PACSIN3: variants seen among roughly 807,000 people sequenced by gnomAD.
The protein encoded by PACSIN3 is protein kinase C and casein kinase substrate in neurons protein 3.
In PACSIN3, 34 loss-of-function variants were observed where a neutral mutation model predicts 56.1. The ratio of observed to expected loss-of-function variants is 0.61; its 90% CI spans 0.46 to 0.81. PACSIN3 has a LOEUF of 0.81. Among genes scored for constraint, PACSIN3 ranks in the 30% least tolerant of loss-of-function variants. The probability of loss-of-function intolerance (pLI) is 0.00; values close to 1 mark genes in which losing one functional copy is unlikely to be tolerated. For synonymous variants in PACSIN3, 218 were observed against 229.8 expected, an observed-to-expected ratio of 0.95 and a Z score of 0.46; for missense variants, 535 against 592.4, an observed-to-expected ratio of 0.90 and a Z score of 1.01.
In PACSIN3 at chr11:47,179,731, A is replaced by G. The variant is rs558209982; in HGVS notation, c.604-145T>C. 141 of 687,152 alleles carry G rather than the reference A, an allele frequency of 2.1e-4. No homozygotes were observed. The highest frequency in any genetic ancestry group is 4.1e-4 in the Middle Eastern group (1 of 2,460). 42.6% of individuals were successfully genotyped at this position (687,152 alleles called of 1,614,324 possible). A position where few individuals can be genotyped will look rare whatever the true frequency, so the allele number is the denominator to read the frequency against. On this transcript the variant is annotated intron_variant, in intron 6 of 10. Transcript: ENST00000298838. This position sits in a 1 kb window ranked among gnomAD's most constrained non-coding sequence, Gnocchi z 4.4. ...GTCCCAAGACCCAGCTCCTGCCCTCAAGGACCCCAGCAGCCTAACAAGGGA... is the reference window on the plus strand; with the variant it reads ...GTCCCAAGACCCAGCTCCTGCCCTCGAGGACCCCAGCAGCCTAACAAGGGA...
rs937600264 is a variant in PACSIN3 at position 47,178,582 on chromosome 11, G to A, written c.1038-95C>T. On this transcript the variant is annotated intron_variant, in intron 9 of 10. Transcript: ENST00000298838. The surrounding 1 kb of genome is among the most constrained non-coding windows in gnomAD (Gnocchi z 4.2). ...CAGGGCAAAGGCCTCCCTACCCCCA[G>A]AGGCACCTGGGAGAGTCAGGTGAGG... 95 of 1,484,004 alleles carry A rather than the reference G, an allele frequency of 6.4e-5. No homozygotes were observed. The highest frequency in any genetic ancestry group is 1.8e-4 in the Middle Eastern group (1 of 5,650). The allele number at this position is 1,484,004 out of a possible 1,614,324, so 91.9% of individuals were successfully genotyped here.
At position 47,182,782 on chromosome 11, in the gene PACSIN3, G is replaced by T; in HGVS notation, c.-37-18C>A. ...ATTTGGGGCTGTGGAGGGCAGAGGG[G>T]TAAGCAGGAAAGCTGGACATTATGT... On this transcript the variant is annotated intron_variant, in intron 2 of 10. Transcript: ENST00000298838. 6.4e-7 allele frequency: 1 copy of T among 1,553,508 alleles called. No homozygotes were observed. The highest frequency in any genetic ancestry group is 8.7e-7 in the Non-Finnish European group (1 of 1,145,276).
At position 47,179,776 on chromosome 11, in the gene PACSIN3, T is replaced by C. The variant is rs1223397436; in HGVS notation, c.604-190A>G. 2 of 596,038 alleles carry C rather than the reference T, an allele frequency of 3.4e-6. No individual in the cohort carries two copies. Among genetic ancestry groups the C allele is most frequent in the Non-Finnish European group, 5.9e-6 (2 of 338,070 alleles). 36.9% of individuals were successfully genotyped at this position (596,038 alleles called of 1,614,324 possible). A position where few individuals can be genotyped will look rare whatever the true frequency, so the allele number is the denominator to read the frequency against. On this transcript the variant is annotated intron_variant, in intron 6 of 10. Coordinates refer to ENST00000298838, the MANE Select transcript of PACSIN3 (RefSeq NM_016223.5). This position sits in a 1 kb window ranked among gnomAD's most constrained non-coding sequence, Gnocchi z 4.4. ...AAGGGAGGTGACATCAGGCACAGCA[T>C]ATAAAAGAGTCTGGTGAGGATTGAA...
rs1952984024 is a variant in PACSIN3, at chr11:47,179,986, G to A, written c.603+200C>T. Among the ~76,000 whole-genome samples the A allele has an allele frequency of 6.6e-6, 1 of 152,208 alleles. No individual in the cohort carries two copies. The highest frequency in any genetic ancestry group is 2.4e-5 in the African/African-American group (1 of 41,448). Reference sequence around the variant, plus strand: ...TCTCAACTGCTGAAGTCATCCCAGTGCCTGAAACTCCATTTCTTTCCCTAG... The same window carrying A: ...TCTCAACTGCTGAAGTCATCCCAGTACCTGAAACTCCATTTCTTTCCCTAG... On this transcript the variant is annotated intron_variant, in intron 6 of 10. Coordinates refer to ENST00000298838, the MANE Select transcript of PACSIN3 (RefSeq NM_016223.5). The surrounding 1 kb of genome is among the most constrained non-coding windows in gnomAD (Gnocchi z 4.4).
chr11:47,180,282 C>T lies in PACSIN3; in HGVS notation c.507G>A (p.Thr169=), dbSNP rs146130718. 8.5e-5 allele frequency: 136 copies of T among 1,603,310 alleles called. No individual in the cohort carries two copies. The African/African-American group carries it at 1.6e-3, about 18-fold the overall frequency. Residue 169 remains threonine, a synonymous_variant, in exon 6 of 11, where the codon ACG becomes ACA. Coordinates refer to ENST00000298838, the MANE Select transcript of PACSIN3 (RefSeq NM_016223.5). ...TGTCTGCCTTTGCGTGGCTCTCCCT[C>T]GTCTGGGCGGTCTTCTCATCCTTCC... The part of the protein sequence containing the change: ...AARKDEKTAQ[T]RESHAKADSA...
rs760575837 is a variant in PACSIN3, at chr11:47,180,147, C to A, written c.603+39G>T. ...AGCAAGATTCATTCAGGAAGCCGTGCCCTGGGCGGGGGCCAGGGCTGGGAC... is the reference window on the plus strand; with the variant it reads ...AGCAAGATTCATTCAGGAAGCCGTGACCTGGGCGGGGGCCAGGGCTGGGAC... On this transcript the variant is annotated intron_variant, in intron 6 of 10. Transcript: ENST00000298838. The A allele has an allele frequency of 2.5e-6, 4 of 1,580,232 alleles. No homozygotes were observed. The Admixed American group carries it at 5.0e-5, about 20-fold the overall frequency.
chr11:47,181,520 G>A (rs775262389), intron 4 of PACSIN3, among the ~76,000 whole-genome samples: 2 of 151,570 alleles, frequency 1.3e-5, no homozygotes, highest in Non-Finnish European at 2.9e-5. Context: ...GCCCAGGTGC[G>A]GTGGCTCATG....
rs139474386 is a variant in PACSIN3 at position 47,177,995 on chromosome 11, C to T, written c.1211G>A (p.Gly404Asp). The change falls in exon 11 of 11, where the codon GGC (glycine) becomes GAC (aspartate). Residue 404 changes from glycine (G) to aspartate (D), a missense_variant. Physicochemically the swap from Gly to Asp is moderately conservative, Grantham distance 94 (BLOSUM62 -1). Coordinates refer to ENST00000298838, the MANE Select transcript of PACSIN3 (RefSeq NM_016223.5). Reference sequence around the variant, plus strand: ...GCCAATGCGGCCACTCTGCAACTGGCCTTGGCACCAGCCCTGCTCGTCCTC... The same window carrying T: ...GCCAATGCGGCCACTCTGCAACTGGTCTTGGCACCAGCCCTGCTCGTCCTC... ...SEEDEQGWCQ[G>D]QLQSGRIGLY... 76 of 1,614,028 alleles carry T rather than the reference C, an allele frequency of 4.7e-5. No individual in the cohort carries two copies. Among genetic ancestry groups the T allele is most frequent in the Admixed American group, 2.5e-4 (15 of 60,010 alleles).
intron 1 of PACSIN3, among the ~76,000 whole-genome samples, chr11:47,183,916 G>A (rs1018000833): frequency 6.6e-6 from 1 of 152,106 alleles, no homozygotes; most frequent in Admixed American, 6.6e-5. Context: ...CAGCTACTTA[G>A]GAGGCTGAGG....
chr11:47,186,130 C>T lies in PACSIN3; in HGVS notation c.-104+219G>A, dbSNP rs1398667468. The stretch of plus-strand genomic sequence containing the variant: ...CCTCCAGCGCCGGCGCCGCCTCCCC[C>T]GGGCGGCCTGCGGAATTGCGAAGCC... On this transcript the variant is annotated intron_variant, in intron 1 of 10. Coordinates refer to ENST00000298838, the MANE Select transcript of PACSIN3 (RefSeq NM_016223.5). The surrounding 1 kb of genome is among the most constrained non-coding windows in gnomAD (Gnocchi z 4.5). 6.6e-6 allele frequency among the ~76,000 whole-genome samples: 1 copy of T among 152,024 alleles called. No individual in the cohort carries two copies. Among genetic ancestry groups the T allele is most frequent in the Admixed American group, 6.5e-5 (1 of 15,280 alleles).
chr11:47,186,328 C>G lies in PACSIN3; in HGVS notation c.-104+21G>C, dbSNP rs963634391. ...CCGCACCCGCCGCCGCCTACCCGCG[C>G]GTCCCCTCCAGGGCACTCACCGCGT... is the stretch of plus-strand genomic sequence containing the variant. On this transcript the variant is annotated intron_variant, in intron 1 of 10. Coordinates refer to ENST00000298838, the MANE Select transcript of PACSIN3 (RefSeq NM_016223.5). This position sits in a 1 kb window ranked among gnomAD's most constrained non-coding sequence, Gnocchi z 4.5. The G allele has an allele frequency of 2.6e-5, 4 of 152,000 alleles. No individual in the cohort carries two copies. The highest frequency in any genetic ancestry group is 5.9e-5 in the Non-Finnish European group (4 of 68,208). 9.4% of individuals were successfully genotyped at this position (152,000 alleles called of 1,614,324 possible). A position where few individuals can be genotyped will look rare whatever the true frequency, so the allele number is the denominator to read the frequency against.
intron 6 of PACSIN3, 100 bp downstream of exon 6, chr11:47,180,086 A>C: frequency 9.3e-7 from 1 of 1,077,838 alleles, no homozygotes; most frequent in Non-Finnish European, 1.4e-6. Flanking sequence ...GGAATAGGGT[A>C]ATAAGGGTGC....
intron 4 of PACSIN3, among the ~76,000 whole-genome samples, chr11:47,181,933 A>C (rs1393844348): frequency 2.0e-5 from 3 of 152,150 alleles, no homozygotes; most frequent in Admixed American, 1.3e-4. Flanking sequence ...TGGGTGGATT[A>C]CCTGAGGTCA....
intron 2 of PACSIN3, 23 bp downstream of exon 2, chr11:47,182,981 T>TCC (rs368408231): frequency 3.2e-5 from 13 of 409,022 alleles, no homozygotes; most frequent in African/African-American, 2.5e-4. Context: ...GCTCTGCACT[T>TCC]CCCCCCCCGC....
At chr11:47,184,952 G>A (rs1242790677) in intron 1 of PACSIN3, among the ~76,000 whole-genome samples, 2 of 152,050 alleles carry the variant, frequency 1.3e-5, no homozygotes, top group African/African-American at 4.8e-5. Context: ...GCCTCCCAGA[G>A]CAAACACAGG....
Position 47,180,454 on chromosome 11 carries a change from C to T in PACSIN3, c.447+1G>A, listed in dbSNP as rs1210336074. On this transcript the variant is annotated splice_donor_variant, in intron 5 of 10. Transcript: ENST00000298838. LOFTEE classifies it high-confidence loss of function. The stretch of plus-strand genomic sequence containing the variant: ...CGGATACCTCCCCCACCCAGCCTCA[C>T]CTCCTTCAGCCTCTTCAGCCAGGGC... 3.1e-6 allele frequency: 5 copies of T among 1,595,396 alleles called. No individual in the cohort carries two copies. In the African/African-American group the frequency reaches 4.0e-5, roughly 13 times the overall value.
In PACSIN3 at chr11:47,180,493, G is replaced by A. The variant is rs146380567; in HGVS notation, c.409C>T (p.Arg137Cys). Residue 137 changes from arginine to cysteine, a missense_variant, in exon 5 of 11, where the codon CGC becomes TGC. Transcript: ENST00000298838. ...RESRAAEDGF[R>C]KAQKPWLKRL... is the part of the protein sequence containing the mutation. ...TTCAGCCAGGGCTTCTGGGCCTTGC[G>A]GAAGCCGTCCTCGGCCGCCCGGCTC... The A allele has an allele frequency of 4.9e-5, 79 of 1,603,846 alleles. No individual in the cohort carries two copies. The Middle Eastern group carries it at 4.9e-4, about 10-fold the overall frequency.
In PACSIN3 at chr11:47,179,216, C is replaced by G; in HGVS notation, c.843G>C (p.Leu281=). The change falls in exon 8 of 11, where the codon CTG becomes CTC. Residue 281 remains leucine, a synonymous_variant. Coordinates refer to ENST00000298838, the MANE Select transcript of PACSIN3 (RefSeq NM_016223.5). This position sits in a 1 kb window ranked among gnomAD's most constrained non-coding sequence, Gnocchi z 4.4. ...GIEAASDEED[L]RWWRSTHGPG... is the part of the protein sequence containing the mutation. ...GCCCGTGGGTGCTGCGCCACCAGCGCAGATCCTCTTCGTCACTGGCTGCCT... is the reference window on the plus strand; with the variant it reads ...GCCCGTGGGTGCTGCGCCACCAGCGGAGATCCTCTTCGTCACTGGCTGCCT... 6.2e-7 allele frequency: 1 copy of G among 1,614,064 alleles called. No homozygotes were observed. Among genetic ancestry groups the G allele is most frequent in the Admixed American group, 1.7e-5 (1 of 60,036 alleles).
chr11:47,177,977 C>T lies in PACSIN3; in HGVS notation c.1229G>A (p.Arg410His), dbSNP rs1354115594. Residue 410 changes from arginine to histidine, a missense_variant, in exon 11 of 11, where the codon CGC (arginine) becomes CAC (histidine). Coordinates refer to ENST00000298838, the MANE Select transcript of PACSIN3 (RefSeq NM_016223.5). The stretch of plus-strand genomic sequence containing the variant: ...GTAGTTGGCAGGGTACAGGCCAATG[C>T]GGCCACTCTGCAACTGGCCTTGGCA... The part of the protein sequence containing the change: ...GWCQGQLQSG[R>H]IGLYPANYVE... 5.0e-6 allele frequency: 8 copies of T among 1,613,934 alleles called. No individual in the cohort carries two copies. The highest frequency in any genetic ancestry group is 1.7e-5 in the Admixed American group (1 of 60,010).
Sources: allele counts gnomAD v4.1 joint callset (sites outside exome capture counted in the v4.1 genomes callset), GRCh38; gene constraint gnomAD v4.1.1; non-coding constraint Gnocchi (gnomAD v3.1); transcripts MANE v1.5; gene names NCBI Gene and HGNC (gene_info 2026-07-23, HGNC 2026-07-21).